Variants in NTNG2 observed in about 807,000 individuals in gnomAD.
NTNG2 encodes netrin-G2.
NTNG2 carries 15 observed loss-of-function variants against 47.6 expected under a neutral mutation model. That is an observed-to-expected ratio of 0.32 (90% CI 0.21 to 0.49). The LOEUF (loss-of-function observed/expected upper bound fraction) is 0.49, where lower values mean the gene tolerates loss of function less well. NTNG2 is among the 20% of genes least tolerant of loss of function. The pLI is 0.99. For synonymous variants in NTNG2, 307 were observed against 324.6 expected, an observed-to-expected ratio of 0.95 and a Z score of 0.58; for missense variants, 578 against 764.6, an observed-to-expected ratio of 0.76 and a Z score of 2.88.
chr9:132,198,919 TG>T (rs1484242654), intron 3 of NTNG2, among the ~76,000 whole-genome samples: 1 of 152,094 alleles, frequency 6.6e-6, no homozygotes, highest in Non-Finnish European at 1.5e-5. Context: ...ATCTGGTACC[TG>T]GGACATGACC....
intron 2 of NTNG2, among the ~76,000 whole-genome samples, chr9:132,170,893 G>A (rs561607782): frequency 5.9e-5 from 9 of 152,292 alleles, no homozygotes; most frequent in African/African-American, 2.2e-4. Flanking sequence ...TCTCTGGAGC[G>A]CTGGGGTGGG....
intron 6 of NTNG2, 172 bp from the exon 7 acceptor site, chr9:132,240,738 C>A: frequency 1.1e-6 from 1 of 901,554 alleles, no homozygotes; most frequent in Non-Finnish European, 1.7e-6. Context: ...CAGGCCTGGC[C>A]ACCCTGGGAA....
intron 5 of NTNG2, among the ~76,000 whole-genome samples, chr9:132,234,044 T>G (rs1311535277): frequency 8.3e-5 from 9 of 109,036 alleles, no homozygotes; most frequent in African/African-American, 3.0e-4. Flanking sequence ...TTTTTTTTTT[T>G]GAGATGGAGT....
In NTNG2 at chr9:132,242,473, AC is replaced by A. The variant is rs1324917876; in HGVS notation, c.*363del. ...CACACCCCGTCCTGCCTCCCACCAC[AC>A]TTACACACACGGGACTGTGGCCGAC... is the stretch of plus-strand genomic sequence containing the variant. On this transcript the variant is annotated 3_prime_UTR_variant, in exon 8 of 8. Transcript: ENST00000393229. The surrounding 1 kb of genome is among the most constrained non-coding windows in gnomAD (Gnocchi z 5.9). 7.1e-6 allele frequency: 1 copy of A among 140,636 alleles called. No homozygotes were observed. The highest frequency in any genetic ancestry group is 1.5e-5 in the Non-Finnish European group (1 of 65,888). 8.7% of individuals were successfully genotyped at this position (140,636 alleles called of 1,614,324 possible).
At chr9:132,232,767 C>T (rs909127971) in intron 5 of NTNG2, 2 of 152,270 alleles carry the variant, frequency 1.3e-5, no homozygotes, top group African/African-American at 4.8e-5. Flanking sequence ...CCTGGCCCTC[C>T]ATCTCTCTGA....
rs766727877 is a variant in NTNG2, at chr9:132,231,255, C to T, written c.1054+660C>T. The T allele has an allele frequency of 2.2e-6, 1 of 455,176 alleles. No homozygotes were observed. Among genetic ancestry groups the T allele is most frequent in the South Asian group, 1.6e-5 (1 of 64,414 alleles). 28.2% of individuals were successfully genotyped at this position (455,176 alleles called of 1,614,324 possible). Reference sequence around the variant, plus strand: ...CAGTAAATGTCATCGAGACTGTCCCCAGACACTCACAGGGTGCCAGGCACG... The same window carrying T: ...CAGTAAATGTCATCGAGACTGTCCCTAGACACTCACAGGGTGCCAGGCACG... On this transcript the variant is annotated intron_variant, in intron 5 of 7. Coordinates refer to ENST00000393229, the MANE Select transcript of NTNG2 (RefSeq NM_032536.4). The surrounding 1 kb of genome is among the most constrained non-coding windows in gnomAD (Gnocchi z 4.1).
intron 1 of NTNG2, chr9:132,166,141 C>G (rs1299110980): frequency 7.2e-5 from 11 of 152,576 alleles, no homozygotes; most frequent in Non-Finnish European, 1.6e-4. Context: ...AGTGCCGGCC[C>G]CCACCAAAGC....
In NTNG2 at chr9:132,188,541, G is replaced by C. The variant is rs1476421278; in HGVS notation, c.214-9425G>C. Among the ~76,000 whole-genome samples the C allele has an allele frequency of 3.9e-5, 6 of 152,364 alleles. No homozygotes were observed. In the East Asian group the frequency reaches 1.2e-3, roughly 29 times the overall value. On this transcript the variant is annotated intron_variant, in intron 2 of 7. Transcript: ENST00000393229. ...CAGCCTCTCTGAGTCTCGGTTTCCTGAGGATCGCACTCTCCAGGATCCCTG... is the reference window on the plus strand; with the variant it reads ...CAGCCTCTCTGAGTCTCGGTTTCCTCAGGATCGCACTCTCCAGGATCCCTG...
chr9:132,188,146 C>T (rs560820895), intron 2 of NTNG2, among the ~76,000 whole-genome samples: 1 of 152,216 alleles, frequency 6.6e-6, no homozygotes, highest in Admixed American at 6.5e-5. Flanking sequence ...TGCCTTCCCC[C>T]ACGATTGCTT....
At chr9:132,199,483 G>A (rs1335403487) in intron 3 of NTNG2, among the ~76,000 whole-genome samples, 1 of 152,226 alleles carries the variant, frequency 6.6e-6, no homozygotes, top group East Asian at 1.9e-4. Context: ...GGCAGCACTT[G>A]ATTCTCCCAG....
At chr9:132,184,582 G>A (rs910933380) in intron 2 of NTNG2, among the ~76,000 whole-genome samples, 17 of 152,230 alleles carry the variant, frequency 1.1e-4, no homozygotes, top group Admixed American at 3.9e-4. Flanking sequence ...TGAAAGCTCC[G>A]CGGGGTGGAG....
At chr9:132,176,699 T>C (rs892333595) in intron 2 of NTNG2, among the ~76,000 whole-genome samples, 1 of 152,266 alleles carries the variant, frequency 6.6e-6, no homozygotes, top group African/African-American at 2.4e-5. Flanking sequence ...TTCTCTTGGC[T>C]GTCTACCTAA....
chr9:132,162,920 C>T lies in NTNG2; in HGVS notation c.-484+681C>T, dbSNP rs1039081070. On this transcript the variant is annotated intron_variant, in intron 1 of 7. Coordinates refer to ENST00000393229, the MANE Select transcript of NTNG2 (RefSeq NM_032536.4). The surrounding 1 kb of genome is among the most constrained non-coding windows in gnomAD (Gnocchi z 4.6). Reference sequence around the variant, plus strand: ...GGCGCGCAGGTGGGGGGAGCAGAGGCGGCGGGAAGGCGGGAAGAGAGGACC... The same window carrying T: ...GGCGCGCAGGTGGGGGGAGCAGAGGTGGCGGGAAGGCGGGAAGAGAGGACC... Among the ~76,000 whole-genome samples, 1 of 152,040 alleles carries T rather than the reference C, an allele frequency of 6.6e-6. No homozygotes were observed. The highest frequency in any genetic ancestry group is 1.5e-5 in the Non-Finnish European group (1 of 68,012).
intron 3 of NTNG2, among the ~76,000 whole-genome samples, chr9:132,224,382 A>G (rs969326712): frequency 4.6e-5 from 7 of 152,170 alleles, no homozygotes; most frequent in African/African-American, 1.7e-4. Flanking sequence ...TGCCATATGC[A>G]TAATGCCACA....
intron 7 of NTNG2, 45 bp from the exon 8 acceptor site, chr9:132,241,831 G>C: frequency 7.1e-7 from 1 of 1,407,730 alleles, no homozygotes; most frequent in Non-Finnish European, 9.5e-7. Context: ...AGGTTGGCGG[G>C]GGGACCGGGC....
intron 1 of NTNG2, chr9:132,166,021 A>G (rs1287039091): frequency 6.6e-6 from 1 of 152,160 alleles, no homozygotes; most frequent in Non-Finnish European, 1.5e-5. Flanking sequence ...CCCCTCTTAC[A>G]ATGAAAGACA....
intron 3 of NTNG2, among the ~76,000 whole-genome samples, chr9:132,202,095 G>T (rs891092738): frequency 6.6e-6 from 1 of 152,186 alleles, no homozygotes; most frequent in African/African-American, 2.4e-5. Flanking sequence ...GCTCTGACTT[G>T]AGCCCACCTG....
chr9:132,236,149 C>T lies in NTNG2; in HGVS notation c.1055-2955C>T, dbSNP rs1379495458. Among the ~76,000 whole-genome samples the T allele has an allele frequency of 6.6e-6, 1 of 152,160 alleles. No homozygotes were observed. The highest frequency in any genetic ancestry group is 1.5e-5 in the Non-Finnish European group (1 of 68,022). On this transcript the variant is annotated intron_variant, in intron 5 of 7. Transcript: ENST00000393229. The surrounding 1 kb of genome is among the most constrained non-coding windows in gnomAD (Gnocchi z 4.3). ...AGTCAGAGGGGGCTTCCTGCAGGAG[C>T]GGGGGCCATGAGACCTCGGAGGGTG...
intron 2 of NTNG2, among the ~76,000 whole-genome samples, chr9:132,193,363 C>G (rs1838039487): frequency 6.6e-6 from 1 of 152,140 alleles, no homozygotes; most frequent in African/African-American, 2.4e-5. Flanking sequence ...ACATTAACAA[C>G]TCTATGATGG....
Sources: gnomAD v4.1 joint callset for allele counts (sites outside exome capture counted in the v4.1 genomes callset) on GRCh38, gnomAD v4.1.1 for gene constraint, Gnocchi (gnomAD v3.1) non-coding constraint, MANE v1.5 for transcripts, NCBI Gene and HGNC (gene_info 2026-07-23, HGNC 2026-07-21) for gene names.